Variants in PTPRD observed in about 807,000 individuals in gnomAD.
PTPRD encodes the protein protein tyrosine phosphatase receptor type D.
In PTPRD, 34 loss-of-function variants were observed where a neutral mutation model predicts 214.5. The ratio of observed to expected loss-of-function variants is 0.16; its 90% CI spans 0.12 to 0.21. The LOEUF (loss-of-function observed/expected upper bound fraction) is 0.21. Ranked by LOEUF, PTPRD falls within the 10% of genes least tolerant of loss-of-function variation. The probability of loss-of-function intolerance (pLI) is 1.00; values close to 1 mark genes in which losing one functional copy is unlikely to be tolerated. For missense variants in PTPRD, 2,545 were observed against 2,398.7 expected, an observed-to-expected ratio of 1.06 and a Z score of -1.27; for synonymous variants, 1,128 against 845.7, an observed-to-expected ratio of 1.33 and a Z score of -5.79.
intron 5 of PTPRD, among the ~76,000 whole-genome samples, chr9:9,840,843 T>C (rs1316282784): frequency 2.0e-5 from 3 of 150,184 alleles, no homozygotes; most frequent in East Asian, 3.9e-4. Flanking sequence ...TCTATGTATG[T>C]ATTTATTTAT....
intron 11 of PTPRD, among the ~76,000 whole-genome samples, chr9:8,901,917 C>T (rs1015669445): frequency 6.6e-6 from 1 of 152,166 alleles, no homozygotes; most frequent in Non-Finnish European, 1.5e-5. Flanking sequence ...CAAGTACCAG[C>T]TCTCTGGCTT....
At chr9:10,461,812 G>A (rs2098961045) in intron 2 of PTPRD, among the ~76,000 whole-genome samples, 1 of 151,932 alleles carries the variant, frequency 6.6e-6, no homozygotes, top group African/African-American at 2.4e-5. Flanking sequence ...AGTAGAGACG[G>A]GGTTTAACCA....
chr9:9,015,676 G>A (rs1396104201), intron 11 of PTPRD, among the ~76,000 whole-genome samples: 1 of 152,032 alleles, frequency 6.6e-6, no homozygotes, highest in Non-Finnish European at 1.5e-5. Context: ...TCTCTTGGGT[G>A]GGGTCTGGAT....
At chr9:10,315,306 T>C (rs934207076) in intron 3 of PTPRD, among the ~76,000 whole-genome samples, 4 of 151,876 alleles carry the variant, frequency 2.6e-5, no homozygotes, top group African/African-American at 9.7e-5. Flanking sequence ...ACCTATAAAA[T>C]ATGAGATATA....
At chr9:9,096,769 T>C (rs1215101618) in intron 10 of PTPRD, among the ~76,000 whole-genome samples, 1 of 152,294 alleles carries the variant, frequency 6.6e-6, no homozygotes, top group East Asian at 1.9e-4. Context: ...TGATTATGTG[T>C]TGTGCTAAAG....
intron 5 of PTPRD, among the ~76,000 whole-genome samples, chr9:9,871,397 A>G (rs2065382262): frequency 6.6e-6 from 1 of 152,148 alleles, no homozygotes; most frequent in African/African-American, 2.4e-5. Flanking sequence ...AGCCTTGTCT[A>G]TTCTCCATTT....
intron 2 of PTPRD, among the ~76,000 whole-genome samples, chr9:10,584,954 C>G (rs184357756): frequency 4.4e-4 from 67 of 152,216 alleles, no homozygotes; most frequent in African/African-American, 1.6e-3. Flanking sequence ...CCAAAAATTG[C>G]ATGATGTGTA....
chr9:8,427,055 T>C (rs751752615), intron 35 of PTPRD, among the ~76,000 whole-genome samples: 3 of 152,214 alleles, frequency 2.0e-5, no homozygotes, highest in Non-Finnish European at 4.4e-5. Context: ...GAGGGGACTC[T>C]GTACTTTTTC....
intron 3 of PTPRD, among the ~76,000 whole-genome samples, chr9:10,164,902 A>G (rs2099149956): frequency 6.6e-6 from 1 of 151,422 alleles, no homozygotes; most frequent in Non-Finnish European, 1.5e-5. Context: ...AGAAAAAAAA[A>G]AAAAGACAAT....
intron 7 of PTPRD, among the ~76,000 whole-genome samples, chr9:9,704,228 A>T (rs539733320): frequency 6.6e-6 from 1 of 152,210 alleles, no homozygotes; most frequent in South Asian, 2.1e-4. Context: ...TGTCTGTGAT[A>T]TTGCCATCAA....
intron 37 of PTPRD, among the ~76,000 whole-genome samples, chr9:8,378,994 G>GA (rs973666787): frequency 1.3e-4 from 20 of 151,446 alleles, no homozygotes; most frequent in African/African-American, 4.6e-4. Context: ...GACCCCTTTA[G>GA]AAAAAAAATA....
intron 10 of PTPRD, among the ~76,000 whole-genome samples, chr9:9,022,446 T>G (rs2099573115): frequency 6.6e-6 from 1 of 152,114 alleles, no homozygotes; most frequent in Non-Finnish European, 1.5e-5. Context: ...TTAGTTATAT[T>G]TAGATACACA....
chr9:8,927,462 G>C (rs537127290), intron 11 of PTPRD, among the ~76,000 whole-genome samples: 1 of 152,164 alleles, frequency 6.6e-6, no homozygotes, highest in South Asian at 2.1e-4. Context: ...TGTGGTGTTT[G>C]GTTTCCTGTT....
intron 11 of PTPRD, among the ~76,000 whole-genome samples, chr9:8,739,496 G>A (rs141007877): frequency 0.012 from 1,838 of 152,256 alleles, 32 homozygotes; most frequent in African/African-American, 0.042. Context: ...AATTTACACA[G>A]CCACATGTGG....
intron 8 of PTPRD, among the ~76,000 whole-genome samples, chr9:9,527,345 A>G (rs1472145402): frequency 3.3e-5 from 5 of 152,152 alleles, no homozygotes; most frequent in African/African-American, 4.8e-5. Context: ...CAGAAATAAG[A>G]AGTTTAAAAT....
intron 2 of PTPRD, among the ~76,000 whole-genome samples, chr9:10,451,646 G>A (rs1002803736): frequency 6.6e-6 from 1 of 151,492 alleles, no homozygotes; most frequent in Non-Finnish European, 1.5e-5. Flanking sequence ...ATCAGTGTGT[G>A]GCACAAAGCA....
At chr9:10,026,946 A>G (rs2096934536) in intron 4 of PTPRD, among the ~76,000 whole-genome samples, 1 of 152,122 alleles carries the variant, frequency 6.6e-6, no homozygotes, top group African/African-American at 2.4e-5. Flanking sequence ...GGTGACAGAG[A>G]AATAGCTCCA....
At chr9:9,473,546 C>A (rs2094786632) in intron 8 of PTPRD, among the ~76,000 whole-genome samples, 1 of 152,092 alleles carries the variant, frequency 6.6e-6, no homozygotes, top group Non-Finnish European at 1.5e-5. Context: ...ATCTAAGAAA[C>A]CCCCATCCTG....
rs188944345 is a variant in PTPRD at position 8,325,830 on chromosome 9, C to G, written c.5534+5752G>C. On this transcript the variant is annotated intron_variant, in intron 44 of 45. Coordinates refer to ENST00000381196, the MANE Select transcript of PTPRD (RefSeq NM_002839.4). Reference sequence around the variant, plus strand: ...TAAGTTGGACTCCTAGGTATTTTATCTTTTTTGAAGCAATTGTGAATGGGA... The same window carrying G: ...TAAGTTGGACTCCTAGGTATTTTATGTTTTTTGAAGCAATTGTGAATGGGA... Among the ~76,000 whole-genome samples, 13 of 151,812 alleles carry G rather than the reference C, an allele frequency of 8.6e-5. No individual in the cohort carries two copies. The East Asian group carries it at 2.5e-3, about 30-fold the overall frequency.
Sources: allele counts gnomAD v4.1 joint callset (sites outside exome capture counted in the v4.1 genomes callset), GRCh38; gene constraint gnomAD v4.1.1; transcripts MANE v1.5; gene names NCBI Gene and HGNC (gene_info 2026-07-23, HGNC 2026-07-21).